Variants in SHANK2 observed in about 807,000 individuals in gnomAD.
The protein encoded by SHANK2 is SH3 and multiple ankyrin repeat domains protein 2.
Under a neutral mutation model 133.7 loss-of-function variants are expected in SHANK2, and 43 were observed. The ratio of observed to expected loss-of-function variants is 0.32; its 90% CI spans 0.25 to 0.41. SHANK2 has a LOEUF of 0.41. Ranked by LOEUF, SHANK2 falls within the 10% of genes least tolerant of loss-of-function variation. The pLI is 1.00. For synonymous variants in SHANK2, 1,017 were observed against 952.8 expected, an observed-to-expected ratio of 1.07 and a Z score of -1.24; for missense variants, 1,994 against 2,235.8, an observed-to-expected ratio of 0.89 and a Z score of 2.18.
At chr11:71,083,982 G>GC (rs1245931844) in intron 8 of SHANK2, among the ~76,000 whole-genome samples, 25 of 147,250 alleles carry the variant, frequency 1.7e-4, no homozygotes, top group African/African-American at 4.2e-4. Flanking sequence ...TTTTTTTTGG[G>GC]GGGGGGAGAC....
chr11:70,507,009 CT>C (rs1362378469), intron 17 of SHANK2, among the ~76,000 whole-genome samples: 3 of 152,242 alleles, frequency 2.0e-5, no homozygotes, highest in African/African-American at 7.2e-5. Flanking sequence ...TTTAACTTAG[CT>C]GTCACAATTT....
chr11:70,732,234 G>A (rs1200289897), intron 14 of SHANK2, among the ~76,000 whole-genome samples: 3 of 152,180 alleles, frequency 2.0e-5, no homozygotes, highest in East Asian at 3.9e-4. Context: ...TGCTGAAGCC[G>A]CAAGCCTCGC....
Position 71,210,228 on chromosome 11 carries a change from A to G in SHANK2, c.-13+14469T>C, listed in dbSNP as rs1316019582. On this transcript the variant is annotated intron_variant, in intron 2 of 25. Transcript: ENST00000601538. The stretch of plus-strand genomic sequence containing the variant: ...TCCACAGGTATATATATATATATAT[A>G]TATATATATATATATATATATATAT... Among the ~76,000 whole-genome samples the G allele has an allele frequency of 2.1e-4, 15 of 72,028 alleles. 1 individual carries two copies. Among genetic ancestry groups the G allele is most frequent in the Admixed American group, 1.4e-3 (9 of 6,382 alleles). The allele number at this position is 72,028 out of a possible 152,430, so 47.3% of individuals were successfully genotyped here.
At chr11:71,153,705 G>A (rs1397607995) in intron 2 of SHANK2, among the ~76,000 whole-genome samples, 4 of 152,174 alleles carry the variant, frequency 2.6e-5, no homozygotes, top group Admixed American at 6.5e-5. Context: ...AGTGGCTCAC[G>A]CCTGTAATCC....
chr11:71,230,837 A>G (rs1404867424), intron 1 of SHANK2, among the ~76,000 whole-genome samples: 2 of 152,238 alleles, frequency 1.3e-5, no homozygotes, highest in East Asian at 3.8e-4. Context: ...CTGTCTTTTC[A>G]ACAAACGATG....
intron 25 of SHANK2, among the ~76,000 whole-genome samples, chr11:70,476,939 A>G (rs1262461898): frequency 6.6e-6 from 1 of 152,244 alleles, no homozygotes; most frequent in African/African-American, 2.4e-5. Flanking sequence ...TCTCTGGCCC[A>G]GAGGGTTGCC....
rs1446295898 is a variant in SHANK2, at chr11:70,817,385, AAAGGG to A, written c.1493+2974_1493+2978del. ...ACAGGGAGGCTGTGAAGGGGTGGGG[AAAGGG>A]AAGATGGAACAAGGCCAAGAAAGAA... On this transcript the variant is annotated intron_variant, in intron 12 of 25. Transcript: ENST00000601538. Among the ~76,000 whole-genome samples, 42 of 152,158 alleles carry A rather than the reference AAAGGG, an allele frequency of 2.8e-4. 2 individuals are homozygous for A. Among genetic ancestry groups the A allele is most frequent in the Admixed American group, 2.5e-3 (38 of 15,288 alleles).
chr11:70,648,836 T>C lies in SHANK2; in HGVS notation c.2061+10992A>G, dbSNP rs560288465. 3.9e-5 allele frequency among the ~76,000 whole-genome samples: 6 copies of C among 152,296 alleles called. No individual in the cohort carries two copies. The South Asian group carries it at 1.2e-3, about 32-fold the overall frequency. ...TGTGCTCTCCTCAGTGGTGCCTTCC[T>C]TTCCTTAAGGAATATTTATTGGTGG... is the stretch of plus-strand genomic sequence containing the variant. On this transcript the variant is annotated intron_variant, in intron 17 of 25. Transcript: ENST00000601538.
At chr11:71,064,244 C>A (rs1254333114) in intron 9 of SHANK2, among the ~76,000 whole-genome samples, 1 of 152,218 alleles carries the variant, frequency 6.6e-6, no homozygotes. Flanking sequence ...CAGAAAACAA[C>A]CACACAACGT....
At chr11:71,073,174 T>TTTTTTTTTTTTTTTTTTTTTTTTG (rs1951171472) in intron 9 of SHANK2, among the ~76,000 whole-genome samples, 1 of 117,514 alleles carries the variant, frequency 8.5e-6, no homozygotes, top group East Asian at 2.3e-4. Flanking sequence ...TCTTTTTTTT[T>TTTTTTTTTTTTTTTTTTTTTTTTG]TTGAGATAGA....
At chr11:71,242,428 GA>G (rs1318259425) in intron 1 of SHANK2, among the ~76,000 whole-genome samples, 3 of 152,048 alleles carry the variant, frequency 2.0e-5, no homozygotes, top group African/African-American at 4.8e-5. Flanking sequence ...TGTGCATTGG[GA>G]AAAAAAGTGC....
At chr11:70,555,608 T>A (rs983234888) in intron 17 of SHANK2, among the ~76,000 whole-genome samples, 4 of 152,158 alleles carry the variant, frequency 2.6e-5, no homozygotes, top group Non-Finnish European at 5.9e-5. Context: ...TGCTTGTAGG[T>A]CGCAGCTACT....
chr11:70,631,382 A>ACACC (rs2060985131), intron 17 of SHANK2: 2 of 146,300 alleles, frequency 1.4e-5, no homozygotes, highest in Admixed American at 1.4e-4. Flanking sequence ...AGTTACACAC[A>ACACC]CACACACACA....
intron 14 of SHANK2, among the ~76,000 whole-genome samples, chr11:70,711,593 G>A (rs1462686482): frequency 2.6e-5 from 4 of 152,342 alleles, no homozygotes; most frequent in East Asian, 1.9e-4. Flanking sequence ...ACGCCCGCCC[G>A]GCCTCCAGGC....
intron 17 of SHANK2, among the ~76,000 whole-genome samples, chr11:70,608,449 G>A (rs12284723): frequency 0.48 from 72,249 of 152,024 alleles, 17,395 homozygotes; most frequent in Admixed American, 0.58. Context: ...CATGGGGTCT[G>A]GAGGGTAGGT....
chr11:71,057,589 G>T (rs1804949171), intron 9 of SHANK2, among the ~76,000 whole-genome samples: 1 of 152,202 alleles, frequency 6.6e-6, no homozygotes, highest in African/African-American at 2.4e-5. Context: ...TTGCTCTGTT[G>T]CCGAGGCTAG....
rs1555154092 is a variant in SHANK2, at chr11:70,487,043, C to T, written c.3250G>A (p.Gly1084Arg). Residue 1084 changes from glycine to arginine, a missense_variant, in exon 25 of 26, where the codon GGA (glycine) becomes AGA (arginine). Transcript: ENST00000601538. The surrounding 1 kb of genome is among the most constrained non-coding windows in gnomAD (Gnocchi z 5.8). Reference protein sequence around the residue: ...VSSPFAAAIAGAVRDREKRLE... With the variant: ...VSSPFAAAIARAVRDREKRLE... The stretch of plus-strand genomic sequence containing the variant: ...CGCTTCTCACGGTCGCGGACGGCTC[C>T]GGCGATGGCGGCGGCAAAGGGGCTG... 3 of 1,608,668 alleles carry T rather than the reference C, an allele frequency of 1.9e-6. No individual in the cohort carries two copies. Among genetic ancestry groups the T allele is most frequent in the Non-Finnish European group, 8.5e-7 (1 of 1,179,602 alleles).
At chr11:70,537,607 G>T (rs1382693959) in intron 17 of SHANK2, among the ~76,000 whole-genome samples, 2 of 152,226 alleles carry the variant, frequency 1.3e-5, no homozygotes, top group Non-Finnish European at 2.9e-5. Context: ...TGAGGCTGCT[G>T]TCTGACTTCT....
At chr11:71,107,397 G>A (rs1002632926) in intron 6 of SHANK2, among the ~76,000 whole-genome samples, 1 of 152,116 alleles carries the variant, frequency 6.6e-6, no homozygotes, top group Non-Finnish European at 1.5e-5. Context: ...GCCACTTATC[G>A]GGGACCTGAT....
Sources: allele counts gnomAD v4.1 joint callset (sites outside exome capture counted in the v4.1 genomes callset), GRCh38; gene constraint gnomAD v4.1.1; non-coding constraint Gnocchi (gnomAD v3.1); transcripts MANE v1.5; gene names NCBI Gene and HGNC (gene_info 2026-07-23, HGNC 2026-07-21).